R3HCC1L: variants seen among roughly 807,000 people sequenced by gnomAD.
R3HCC1L encodes the protein coiled-coil domain-containing protein R3HCC1L.
Under a neutral mutation model 59.9 loss-of-function variants are expected in R3HCC1L, and 51 were observed. The ratio of observed to expected loss-of-function variants is 0.85; its 90% CI spans 0.68 to 1.07. The LOEUF (loss-of-function observed/expected upper bound fraction) is 1.07, where lower values mean the gene tolerates loss of function less well. Ranked by LOEUF, R3HCC1L falls within the 50% of genes least tolerant of loss-of-function variation. R3HCC1L has a pLI of 0.00. For missense variants in R3HCC1L, 965 were observed against 933.0 expected (o/e 1.03, Z -0.45); for synonymous variants, 322 against 315.2 (o/e 1.02, Z -0.23).
chr10:98,172,522 G>A (rs561828953), intron 4 of R3HCC1L, among the ~76,000 whole-genome samples: 12 of 152,306 alleles, frequency 7.9e-5, no homozygotes, highest in African/African-American at 2.9e-4. Context: ...ATCGATGGTG[G>A]TTTGGAGAAA....
At chr10:98,243,266 G>A (rs1054322792) in intron 9 of R3HCC1L, among the ~76,000 whole-genome samples, 1 of 152,196 alleles carries the variant, frequency 6.6e-6, no homozygotes, top group Non-Finnish European at 1.5e-5. Context: ...GGAACAGTAA[G>A]AAGGAAGCAT....
At chr10:98,239,743 G>A (rs1382260052) in intron 9 of R3HCC1L, among the ~76,000 whole-genome samples, 1 of 152,012 alleles carries the variant, frequency 6.6e-6, no homozygotes, top group Admixed American at 6.5e-5. Flanking sequence ...TGTCACCCAG[G>A]CTGGAGTGCA....
intron 1 of R3HCC1L, among the ~76,000 whole-genome samples, chr10:98,135,822 G>T (rs1273003870): frequency 6.6e-6 from 1 of 152,148 alleles, no homozygotes; most frequent in Non-Finnish European, 1.5e-5. Flanking sequence ...AGCAGTAAAC[G>T]TTCCTCAGAT....
chr10:98,177,658 G>T (rs578022384), intron 4 of R3HCC1L, among the ~76,000 whole-genome samples: 16 of 152,264 alleles, frequency 1.1e-4, no homozygotes, highest in African/African-American at 3.8e-4. Context: ...CAGTGTAGAA[G>T]TGTTCCTATT....
chr10:98,211,557 G>T (rs142810398), intron 5 of R3HCC1L, among the ~76,000 whole-genome samples: 3 of 152,284 alleles, frequency 2.0e-5, no homozygotes, highest in South Asian at 2.1e-4. Flanking sequence ...AACAGTGTTC[G>T]CAAGAGTTGG....
At chr10:98,229,501 A>T (rs1269340479) in intron 5 of R3HCC1L, among the ~76,000 whole-genome samples, 1 of 152,166 alleles carries the variant, frequency 6.6e-6, no homozygotes, top group Non-Finnish European at 1.5e-5. Flanking sequence ...GGGGTTTTCT[A>T]GATATACAAT....
Position 98,201,642 on chromosome 10 carries a change from C to T in R3HCC1L, c.-14-6459C>T, listed in dbSNP as rs530618840. ...GACACCTGAGATGCATTAGTCATTG[C>T]ATTTGAACACCAAACTTAATTCTGT... On this transcript the variant is annotated intron_variant, in intron 4 of 9. Transcript: ENST00000298999. Among the ~76,000 whole-genome samples, 3 of 152,254 alleles carry T rather than the reference C, an allele frequency of 2.0e-5. No individual in the cohort carries two copies. In the East Asian group the frequency reaches 5.8e-4, roughly 29 times the overall value.
At chr10:98,235,616 CT>C in intron 8 of R3HCC1L, 96 bp downstream of exon 8, 1 of 904,708 alleles carries the variant, frequency 1.1e-6, no homozygotes, top group Non-Finnish European at 1.6e-6. Context: ...AGACATATCA[CT>C]TTTATTTTTA....
At chr10:98,155,341 A>G (rs1846737387) in intron 1 of R3HCC1L, among the ~76,000 whole-genome samples, 1 of 152,138 alleles carries the variant, frequency 6.6e-6, no homozygotes, top group Non-Finnish European at 1.5e-5. Flanking sequence ...CTGTCTACTC[A>G]ATTGGTAATT....
At chr10:98,195,768 T>C (rs1259330930) in intron 4 of R3HCC1L, among the ~76,000 whole-genome samples, 1 of 152,206 alleles carries the variant, frequency 6.6e-6, no homozygotes, top group Non-Finnish European at 1.5e-5. Flanking sequence ...AAAATAACTT[T>C]GTATCTAGTT....
chr10:98,225,900 G>A (rs1855619175), intron 5 of R3HCC1L, among the ~76,000 whole-genome samples: 1 of 151,978 alleles, frequency 6.6e-6, no homozygotes, highest in African/African-American at 2.4e-5. Context: ...GAGTGTAGTG[G>A]CACAGTCTTG....
At position 98,236,124 on chromosome 10, in the gene R3HCC1L, C is replaced by G. The variant is rs144632612; in HGVS notation, c.2229C>G (p.Thr743=). Residue 743 remains threonine (T), a synonymous_variant, in exon 9 of 10, where the codon ACC becomes ACG. Transcript: ENST00000298999. The stretch of plus-strand genomic sequence containing the variant: ...GGGTTCGAAGTAAGCAGAGCAAAAC[C>G]GAACGAGAAGCAGAGCTCAAGAAAC... The part of the protein sequence containing the change: ...ALGVRSKQSK[T]EREAELKKLQ... The G allele has an allele frequency of 5.0e-6, 8 of 1,613,702 alleles. No homozygotes were observed. The highest frequency in any genetic ancestry group is 5.9e-6 in the Non-Finnish European group (7 of 1,179,900).
chr10:98,157,879 A>G (rs1564627506), intron 2 of R3HCC1L, among the ~76,000 whole-genome samples: 1 of 152,224 alleles, frequency 6.6e-6, no homozygotes, highest in Non-Finnish European at 1.5e-5. Context: ...TTACATGATT[A>G]TTATACTTCT....
At chr10:98,219,914 G>A (rs1433208291) in intron 5 of R3HCC1L, among the ~76,000 whole-genome samples, 1 of 152,130 alleles carries the variant, frequency 6.6e-6, no homozygotes, top group Non-Finnish European at 1.5e-5. Context: ...ATATTTGGAT[G>A]TCTATATCTC....
chr10:98,242,242 A>G (rs1857604909), intron 9 of R3HCC1L, among the ~76,000 whole-genome samples: 1 of 152,138 alleles, frequency 6.6e-6, no homozygotes, highest in Non-Finnish European at 1.5e-5. Flanking sequence ...AGAGCTACTC[A>G]GGAGACTGAG....
intron 1 of R3HCC1L, among the ~76,000 whole-genome samples, chr10:98,139,155 C>T (rs2133841655): frequency 6.6e-6 from 1 of 152,218 alleles, no homozygotes; most frequent in Admixed American, 6.5e-5. Flanking sequence ...TCCTCATTAG[C>T]TCCATAAGCT....
intron 4 of R3HCC1L, among the ~76,000 whole-genome samples, chr10:98,189,473 A>G (rs983972867): frequency 6.6e-6 from 1 of 152,174 alleles, no homozygotes; most frequent in Non-Finnish European, 1.5e-5. Flanking sequence ...GTGAGTGTCT[A>G]CCTGGGTTAA....
Position 98,209,694 on chromosome 10 carries a change from A to T in R3HCC1L, c.1580A>T (p.Glu527Val), listed in dbSNP as rs1853317111. Reference protein sequence around the residue: ...EALHELRTAEEFKTEEQDDSG... With the variant: ...EALHELRTAEVFKTEEQDDSG... ...TTGCACGAACTAAGAACTGCCGAAG[A>T]GTTCAAAACAGAAGAGCAAGATGAC... Residue 527 changes from glutamate (E) to valine (V), a missense_variant, in exon 5 of 10, where the codon GAG becomes GTG. Transcript: ENST00000298999. 6.2e-7 allele frequency: 1 copy of T among 1,613,914 alleles called. No individual in the cohort carries two copies. Among genetic ancestry groups the T allele is most frequent in the Non-Finnish European group, 8.5e-7 (1 of 1,179,938 alleles).
chr10:98,180,641 C>T (rs966998761), intron 4 of R3HCC1L, among the ~76,000 whole-genome samples: 4 of 152,172 alleles, frequency 2.6e-5, no homozygotes. Context: ...TCTCGTTGAT[C>T]TGTCTGATAT....
Sources: allele counts gnomAD v4.1 joint callset (sites outside exome capture counted in the v4.1 genomes callset), GRCh38; gene constraint gnomAD v4.1.1; transcripts MANE v1.5; gene names NCBI Gene and HGNC (gene_info 2026-07-23, HGNC 2026-07-21).